The following SMPD4 variants were observed in gnomAD, a reference collection of about 807,000 sequenced individuals.
The protein encoded by SMPD4 is neutral sphingomyelinase 3.
Under a neutral mutation model 97.8 loss-of-function variants are expected in SMPD4, and 58 were observed. The observed-to-expected ratio is 0.59, with a 90% CI of 0.48 to 0.74. The LOEUF (loss-of-function observed/expected upper bound fraction) is 0.74. Among genes scored for constraint, SMPD4 ranks in the 30% least tolerant of loss-of-function variants. The pLI is 0.00. For missense variants in SMPD4, 853 were observed against 1,080.5 expected (o/e 0.79, Z 2.95); for synonymous variants, 388 against 450.0 (o/e 0.86, Z 1.74).
intron 9 of SMPD4, among the ~76,000 whole-genome samples, chr2:130,166,236 G>A (rs1267014445): frequency 1.4e-5 from 2 of 146,228 alleles, no homozygotes; most frequent in Non-Finnish European, 3.0e-5. Flanking sequence ...CTGAACCTGA[G>A]AGGTGAAGGT....
chr2:130,158,016 T>C, intron 11 of SMPD4: 1 of 322,500 alleles, frequency 3.1e-6, no homozygotes, highest in South Asian at 3.1e-5. Flanking sequence ...GGTGCACACC[T>C]ATAGTCCTAA....
Position 130,173,542 on chromosome 2 carries a change from T to C in SMPD4, c.241A>G (p.Ser81Gly), listed in dbSNP as rs148100025. The C allele has an allele frequency of 5.0e-6, 8 of 1,611,322 alleles. No individual in the cohort carries two copies. Among genetic ancestry groups the C allele is most frequent in the Non-Finnish European group, 6.8e-6 (8 of 1,178,280 alleles). Reference protein sequence around the residue: ...LQGRVNPVEYSIVMEFLDPGG... With the variant: ...LQGRVNPVEYGIVMEFLDPGG... ...GGGTCGAGAAATTCCATCACGATGC[T>C]GTACTCCACAGGATTCACGCGCCCC... Residue 81 changes from serine to glycine, a missense_variant, in exon 4 of 20, where the codon AGC (serine) becomes GGC (glycine). Ser to Gly is a moderately conservative substitution (Grantham distance 56). Around this residue, in one of 3 missense-constraint regions of SMPD4, gnomAD observed 313 missense variants for 402.2 expected, o/e 0.78. Transcript: ENST00000680298.
chr2:130,181,406 G>T, intron 1 of SMPD4, 124 bp downstream of exon 1: 2 of 1,486,708 alleles, frequency 1.3e-6, no homozygotes, highest in Non-Finnish European at 8.9e-7. Flanking sequence ...TGCCCTGCCT[G>T]GGCAGAGCCG....
rs149238430 is a variant in SMPD4 at position 130,178,799 on chromosome 2, G to GAA, written c.-45-2164_-45-2163dup. On this transcript the variant is annotated intron_variant, in intron 1 of 19. Coordinates refer to ENST00000680298, the MANE Select transcript of SMPD4 (RefSeq NM_017951.5). ...GATAGAGGGAAACTCTCAAAAAATG[G>GAA]AAAAAAAAAAAGAAAAAAAAAGAAA... Among the ~76,000 whole-genome samples, 1,081 of 141,398 alleles carry GAA rather than the reference G, an allele frequency of 7.6e-3. 39 individuals carry two copies. The highest frequency in any genetic ancestry group is 0.067 in the Admixed American group (964 of 14,344). The allele number at this position is 141,398 out of a possible 152,430, so 92.8% of individuals were successfully genotyped here.
intron 17 of SMPD4, 73 bp from the exon 18 acceptor site, chr2:130,153,523 A>T: frequency 6.3e-7 from 1 of 1,595,176 alleles, no homozygotes; most frequent in Non-Finnish European, 8.5e-7. Context: ...CCACCAGCCT[A>T]CAACAGTGGC....
At position 130,153,536 on chromosome 2, in the gene SMPD4, C is replaced by A. The variant is rs1686444861; in HGVS notation, c.1894-86G>T. 2.5e-6 allele frequency: 4 copies of A among 1,588,890 alleles called. No individual in the cohort carries two copies. The East Asian group carries it at 6.7e-5, about 27-fold the overall frequency. On this transcript the variant is annotated intron_variant, in intron 17 of 19. Transcript: ENST00000680298. Reference sequence around the variant, plus strand: ...CCCCACCAGCCTACAACAGTGGCAACAAGGGGACCCAGCTATGACGCTCGG... The same window carrying A: ...CCCCACCAGCCTACAACAGTGGCAAAAAGGGGACCCAGCTATGACGCTCGG...
chr2:130,176,478 A>G, intron 2 of SMPD4, 76 bp downstream of exon 2: 4 of 1,236,410 alleles, frequency 3.2e-6, no homozygotes, highest in Non-Finnish European at 4.6e-6. Flanking sequence ...TCTTCAAGTC[A>G]ATGGGAAGAA....
rs1686473335 is a variant in SMPD4, at chr2:130,153,767, C to T, written c.1828G>A (p.Asp610Asn). The T allele has an allele frequency of 6.2e-7, 1 of 1,613,878 alleles. No homozygotes were observed. Among genetic ancestry groups the T allele is most frequent in the Non-Finnish European group, 8.5e-7 (1 of 1,179,880 alleles). ...TATTCATCTGTCTTCCGGACACTGT[C>T]TTGCCCCATCTCGTCCAGGTCGTTG... The part of the protein sequence containing the change: ...TANDLDEMGQ[D>N]SVRKTDEYLE... Residue 610 changes from aspartate (D) to asparagine (N), a missense_variant, in exon 17 of 20, where the codon GAC (aspartate) becomes AAC (asparagine). Transcript: ENST00000680298.
rs1688596090 is a variant in SMPD4, at chr2:130,172,718, C to T, written c.455-41G>A. 6 of 1,613,948 alleles carry T rather than the reference C, an allele frequency of 3.7e-6. No homozygotes were observed. The Middle Eastern group carries it at 8.2e-4, about 222-fold the overall frequency. ...GGGGCAAACATGCAGGGTTGATGAG[C>T]CACCCCCCGCTCAGTGTCAAGTGCT... On this transcript the variant is annotated intron_variant, in intron 6 of 19. Coordinates refer to ENST00000680298, the MANE Select transcript of SMPD4 (RefSeq NM_017951.5).
chr2:130,154,896 G>C, intron 15 of SMPD4, 200 bp downstream of exon 15: 1 of 721,236 alleles, frequency 1.4e-6, no homozygotes, highest in Middle Eastern at 3.9e-4. Flanking sequence ...CCCAGTGCCT[G>C]GTGGCTGCAG....
intron 14 of SMPD4, among the ~76,000 whole-genome samples, chr2:130,155,591 T>C (rs1686698295): frequency 6.6e-6 from 1 of 151,958 alleles, no homozygotes; most frequent in Non-Finnish European, 1.5e-5. Flanking sequence ...GGGGAATGCC[T>C]TGGGCAAGGA....
At chr2:130,169,804 G>C (rs1352290367) in intron 8 of SMPD4, among the ~76,000 whole-genome samples, 4 of 152,046 alleles carry the variant, frequency 2.6e-5, no homozygotes, top group Non-Finnish European at 5.9e-5. Context: ...CTCCCGCCTT[G>C]GCCTCCCAAA....
At chr2:130,168,556 A>C (rs896078689) in intron 8 of SMPD4, among the ~76,000 whole-genome samples, 1 of 151,806 alleles carries the variant, frequency 6.6e-6, no homozygotes, top group African/African-American at 2.4e-5. Context: ...ATCGTACCCT[A>C]TCGCCTAGGC....
At position 130,161,290 on chromosome 2, in the gene SMPD4, G is replaced by A. The variant is rs1687380905; in HGVS notation, c.865-18C>T. On this transcript the variant is annotated intron_variant, in intron 10 of 19. Coordinates refer to ENST00000680298, the MANE Select transcript of SMPD4 (RefSeq NM_017951.5). ...ACCTCCAGCTGAGATAAGAAACAGA[G>A]AGATGCCGGAAGAGGCCGAAGAGCA... is the stretch of plus-strand genomic sequence containing the variant. The A allele has an allele frequency of 6.2e-7, 1 of 1,612,646 alleles. No homozygotes were observed. Among genetic ancestry groups the A allele is most frequent in the Admixed American group, 1.7e-5 (1 of 60,006 alleles).
In SMPD4 at chr2:130,156,600, G is replaced by A. The variant is rs768013977; in HGVS notation, c.1173C>T (p.Asp391=). ...LQHCFGHWPL[D]ASFRAVLEMW... is the part of the protein sequence containing the mutation. ...CAACACTCACAGCTCTGAACGATGC[G>A]TCCAGGGGCCAGTGGCCAAAGCAAT... The change falls in exon 13 of 20, where the codon GAC becomes GAT. Residue 391 remains aspartate, a synonymous_variant. Transcript: ENST00000680298. The A allele has an allele frequency of 1.1e-5, 18 of 1,613,696 alleles. No individual in the cohort carries two copies. The highest frequency in any genetic ancestry group is 2.2e-5 in the East Asian group (1 of 44,864).
rs1041074632 is a variant in SMPD4 at position 130,161,589 on chromosome 2, G to T, written c.865-317C>A. On this transcript the variant is annotated intron_variant, in intron 10 of 19. Coordinates refer to ENST00000680298, the MANE Select transcript of SMPD4 (RefSeq NM_017951.5). Reference sequence around the variant, plus strand: ...TCCAGGTCACCTGGGTGGCCCCTCAGTATTGCTGGGGCCTAAAGGCCTCTC... The same window carrying T: ...TCCAGGTCACCTGGGTGGCCCCTCATTATTGCTGGGGCCTAAAGGCCTCTC... 3.9e-5 allele frequency among the ~76,000 whole-genome samples: 6 copies of T among 152,182 alleles called. No individual in the cohort carries two copies. The East Asian group carries it at 1.2e-3, about 29-fold the overall frequency.
upstream of SMPD4, chr2:130,181,700 G>T (rs987926304): frequency 2.6e-6 from 4 of 1,548,526 alleles, no homozygotes; most frequent in East Asian, 9.8e-5. Flanking sequence ...AGCGAAGGCC[G>T]GCCGGGCGGG....
chr2:130,179,413 G>A (rs1558768363), intron 1 of SMPD4, among the ~76,000 whole-genome samples: 5 of 151,682 alleles, frequency 3.3e-5, no homozygotes, highest in Middle Eastern at 3.4e-3. Flanking sequence ...GACCCACCGC[G>A]CCCAGCCTCT....
At chr2:130,179,604 C>T (rs1021299166) in intron 1 of SMPD4, among the ~76,000 whole-genome samples, 20 of 151,598 alleles carry the variant, frequency 1.3e-4, no homozygotes, top group Non-Finnish European at 2.2e-4. Flanking sequence ...CCAGGCTGGT[C>T]TCAAATTCCT....
Sources: gnomAD v4.1 joint callset for allele counts (sites outside exome capture counted in the v4.1 genomes callset) on GRCh38, gnomAD v4.1.1 for gene constraint, gnomAD v4.1.1 regional missense constraint, MANE v1.5 for transcripts, NCBI Gene and HGNC (gene_info 2026-07-23, HGNC 2026-07-21) for gene names.